Variants in CSF1R observed in about 807,000 individuals in gnomAD.
The protein encoded by CSF1R is macrophage colony-stimulating factor 1 receptor.
CSF1R carries 40 observed loss-of-function variants against 110.0 expected under a neutral mutation model. The ratio of observed to expected loss-of-function variants is 0.36; its 90% CI spans 0.28 to 0.47. The LOEUF is 0.47. Among genes scored for constraint, CSF1R ranks in the 20% least tolerant of loss-of-function variants. The pLI, the probability that CSF1R is intolerant of heterozygous loss-of-function variation, is 0.99. For synonymous variants in CSF1R, 523 were observed against 503.4 expected (o/e 1.04, Z -0.52); for missense variants, 1,052 against 1,253.0 (o/e 0.84, Z 2.42).
At chr5:150,092,477 T>G (rs1176263929) in intron 1 of CSF1R, among the ~76,000 whole-genome samples, 1 of 152,202 alleles carries the variant, frequency 6.6e-6, no homozygotes, top group African/African-American at 2.4e-5. Flanking sequence ...CTCATACTGC[T>G]AATAAAGACA....
intron 1 of CSF1R, among the ~76,000 whole-genome samples, chr5:150,098,665 T>C (rs1308370699): frequency 6.6e-6 from 1 of 152,076 alleles, no homozygotes; most frequent in African/African-American, 2.4e-5. Flanking sequence ...CAATACTCAA[T>C]ATGAAAATAA....
intron 10 of CSF1R, among the ~76,000 whole-genome samples, chr5:150,067,967 G>A (rs1304906187): frequency 6.6e-5 from 10 of 152,150 alleles, no homozygotes; most frequent in Non-Finnish European, 1.3e-4. Context: ...GGGATTACAG[G>A]TGTGCCCTTG....
rs749946644 is a variant in CSF1R, at chr5:150,081,006, A to G, written c.68T>C (p.Ile23Thr). The stretch of plus-strand genomic sequence containing the variant: ...GACCAGCTCAGGGACACTGGGCTCT[A>G]TCACTGGGATTCCCTGACCTGGTGG... ...TAWHGQGIPV[I>T]EPSVPELVVK... The change falls in exon 2 of 21, where the codon ATA (isoleucine) becomes ACA (threonine). Residue 23 changes from isoleucine (I) to threonine (T), a missense_variant. Transcript: ENST00000675795. The G allele has an allele frequency of 1.9e-6, 3 of 1,613,782 alleles. No individual in the cohort carries two copies. Among genetic ancestry groups the G allele is most frequent in the South Asian group, 2.2e-5 (2 of 91,070 alleles).
At chr5:150,077,253 T>TCCA in intron 5 of CSF1R, 23 bp downstream of exon 5, 5 of 1,614,074 alleles carry the variant, frequency 3.1e-6, no homozygotes, top group Non-Finnish European at 4.2e-6. Context: ...CTACCGACTG[T>TCCA]CCACCACCAC....
chr5:150,112,727 A>G (rs528193187), intron 1 of CSF1R, among the ~76,000 whole-genome samples: 1 of 152,270 alleles, frequency 6.6e-6, no homozygotes, highest in South Asian at 2.1e-4. Context: ...CAGGCCTTAT[A>G]GCCGTCGGGT....
intron 1 of CSF1R, chr5:150,098,416 G>C (rs1561961035): frequency 6.5e-6 from 1 of 152,764 alleles, no homozygotes; most frequent in Non-Finnish European, 1.5e-5. Flanking sequence ...GGCTGTCTGA[G>C]TGCAGTGGTG....
At chr5:150,092,813 A>C (rs571547733) in intron 1 of CSF1R, among the ~76,000 whole-genome samples, 2 of 152,332 alleles carry the variant, frequency 1.3e-5, no homozygotes, top group Non-Finnish European at 2.9e-5. Flanking sequence ...CATATCACCT[A>C]CATACCTATG....
intron 1 of CSF1R, among the ~76,000 whole-genome samples, chr5:150,102,239 G>T (rs1387207159): frequency 6.6e-6 from 1 of 152,142 alleles, no homozygotes; most frequent in African/African-American, 2.4e-5. Flanking sequence ...GTGAGGATGT[G>T]CATTCTCACC....
Position 150,070,447 on chromosome 5 carries a change from A to G in CSF1R, c.1198+9T>C, listed in dbSNP as rs749685916. Reference sequence around the variant, plus strand: ...TCCGCCCCAGGTGGCGCTCGGCCCCAGCACTCACATCGAAGGGTGAGCTCA... The same window carrying G: ...TCCGCCCCAGGTGGCGCTCGGCCCCGGCACTCACATCGAAGGGTGAGCTCA... On this transcript the variant is annotated intron_variant, in intron 7 of 20. Transcript: ENST00000675795. 1.9e-6 allele frequency: 3 copies of G among 1,556,284 alleles called. No homozygotes were observed.
intron 19 of CSF1R, chr5:150,054,780 A>T (rs1757121350): frequency 4.0e-6 from 1 of 250,466 alleles, no homozygotes; most frequent in African/African-American, 3.3e-5. Context: ...TAAGGCCAGG[A>T]GTTCCAGACC....
intron 1 of CSF1R, among the ~76,000 whole-genome samples, chr5:150,095,790 A>G (rs1759205798): frequency 6.6e-6 from 1 of 151,556 alleles, no homozygotes; most frequent in Non-Finnish European, 1.5e-5. Flanking sequence ...CAAGAAAAAC[A>G]CAAATTGCAA....
At chr5:150,084,492 G>A (rs902243677) in intron 1 of CSF1R, among the ~76,000 whole-genome samples, 2 of 150,818 alleles carry the variant, frequency 1.3e-5, no homozygotes, top group African/African-American at 2.4e-5. Context: ...TTGCTCTGTC[G>A]CCTAGGCTGG....
At chr5:150,071,323 A>G (rs1758022053) in intron 6 of CSF1R, among the ~76,000 whole-genome samples, 1 of 152,160 alleles carries the variant, frequency 6.6e-6, no homozygotes, top group South Asian at 2.1e-4. Flanking sequence ...TTTGTCCATA[A>G]TGAACATGTG....
upstream of CSF1R, among the ~76,000 whole-genome samples, chr5:150,087,014 G>C (rs1363089649): frequency 6.6e-6 from 1 of 152,126 alleles, no homozygotes; most frequent in Non-Finnish European, 1.5e-5. Context: ...GTTTCACTCT[G>C]TTGCCCAGGC....
rs927944047 is a variant in CSF1R at position 150,094,192 on chromosome 5, T to G, written c.-180-7585A>C. The stretch of plus-strand genomic sequence containing the variant: ...GAACAAGAAATATTTCCAGGCATAA[T>G]GAGGGACATTACATAGTGAAGACAG... On this transcript the variant is annotated intron_variant, in intron 1 of 21. Coordinates refer to the CSF1R transcript ENST00000286301. 12 of 631,332 alleles carry G rather than the reference T, an allele frequency of 1.9e-5. No individual in the cohort carries two copies. In the East Asian group the frequency reaches 3.3e-4, roughly 18 times the overall value. The allele number at this position is 631,332 out of a possible 1,614,324, so 39.1% of individuals were successfully genotyped here.
chr5:150,097,440 A>AG (rs1159769307), intron 1 of CSF1R, among the ~76,000 whole-genome samples: 3 of 152,198 alleles, frequency 2.0e-5, no homozygotes, highest in East Asian at 3.9e-4. Context: ...AGAAGAAGAA[A>AG]GAAAAAAGAA....
chr5:150,086,759 C>G (rs1758865064), upstream of CSF1R, among the ~76,000 whole-genome samples: 1 of 152,140 alleles, frequency 6.6e-6, no homozygotes, highest in African/African-American at 2.4e-5. Context: ...AAGCCATCTT[C>G]AAGGGGTCTT....
At chr5:150,078,377 G>A (rs963310275) in intron 3 of CSF1R, 129 bp from the exon 4 acceptor site, 1 of 1,239,748 alleles carries the variant, frequency 8.1e-7, no homozygotes, top group Non-Finnish European at 1.1e-6. Flanking sequence ...CAAATCCTGG[G>A]AGGCAGCCTT....
chr5:150,073,339 C>T lies in CSF1R; in HGVS notation c.1044G>A (p.Glu348=), dbSNP rs1468545360. ...TGGTGGTAGCATTAGCAAGCTTGGG[C>T]TCAGGCTGGTGGTCAGAAAAGGGTC... ...YLGPFSDHQP[E]PKLANATTKD... The change falls in exon 6 of 21, where the codon GAG becomes GAA. Residue 348 remains glutamate (E), a synonymous_variant. Coordinates refer to ENST00000675795, the MANE Select transcript of CSF1R (RefSeq NM_001288705.3). The T allele has an allele frequency of 1.2e-6, 2 of 1,613,968 alleles. No homozygotes were observed. The highest frequency in any genetic ancestry group is 1.7e-6 in the Non-Finnish European group (2 of 1,179,978).
Sources: allele counts gnomAD v4.1 joint callset (sites outside exome capture counted in the v4.1 genomes callset), GRCh38; gene constraint gnomAD v4.1.1; transcripts MANE v1.5; gene names NCBI Gene and HGNC (gene_info 2026-07-23, HGNC 2026-07-21).